Variants in TTBK2 observed in about 807,000 individuals in gnomAD.
TTBK2 encodes the protein tau-tubulin kinase 2.
A neutral mutation model predicts 110.8 loss-of-function variants in TTBK2; 28 were observed. The observed-to-expected ratio is 0.25, with a 90% CI of 0.19 to 0.35. The LOEUF is 0.35. TTBK2 is among the 10% of genes least tolerant of loss of function. The probability of loss-of-function intolerance (pLI) is 1.00; values close to 1 mark genes in which losing one functional copy is unlikely to be tolerated. For missense variants in TTBK2, 1,369 were observed against 1,500.3 expected, an observed-to-expected ratio of 0.91 and a Z score of 1.45; for synonymous variants, 532 against 527.3, an observed-to-expected ratio of 1.01 and a Z score of -0.12.
intron 9 of TTBK2, among the ~76,000 whole-genome samples, chr15:42,807,582 T>C (rs961779646): frequency 8.8e-6 from 1 of 113,150 alleles, no homozygotes; most frequent in African/African-American, 6.9e-5. Flanking sequence ...CTAATTTTTT[T>C]TGTTGTTTTT....
chr15:42,777,106 G>C lies in TTBK2; in HGVS notation c.1334C>G (p.Ser445Cys). The change falls in exon 12 of 15, where the codon TCC becomes TGC. Residue 445 changes from serine (S) to cysteine (C), a missense_variant. Around this residue, in one of 4 missense-constraint regions of TTBK2, gnomAD observed 1,097 missense variants for 1,114.7 expected, o/e 0.98. Coordinates refer to ENST00000267890, the MANE Select transcript of TTBK2 (RefSeq NM_173500.4). ...RDIPLVRKLR[S>C]IHSFELEKRL... ...TTTTTCCAGCTCAAAGCTGTGAATGGAACGTAACTTTCGCACCAGTGGAAT... is the reference window on the plus strand; with the variant it reads ...TTTTTCCAGCTCAAAGCTGTGAATGCAACGTAACTTTCGCACCAGTGGAAT... 6.2e-7 allele frequency: 1 copy of C among 1,614,210 alleles called. No individual in the cohort carries two copies. Among genetic ancestry groups the C allele is most frequent in the Non-Finnish European group, 8.5e-7 (1 of 1,180,040 alleles).
intron 4 of TTBK2, among the ~76,000 whole-genome samples, chr15:42,832,876 T>G (rs1227485997): frequency 6.6e-6 from 1 of 152,034 alleles, no homozygotes; most frequent in African/African-American, 2.4e-5. Context: ...CTTGGGGCCT[T>G]AGAAAGTATC....
At chr15:42,862,659 C>T (rs1485415831) in intron 3 of TTBK2, among the ~76,000 whole-genome samples, 1 of 152,146 alleles carries the variant, frequency 6.6e-6, no homozygotes, top group Non-Finnish European at 1.5e-5. Flanking sequence ...GAGGCGGAAG[C>T]AGGCAGATGA....
chr15:42,910,892 A>G (rs1172955581), intron 1 of TTBK2, among the ~76,000 whole-genome samples: 3 of 152,038 alleles, frequency 2.0e-5, no homozygotes, highest in Non-Finnish European at 4.4e-5. Context: ...AAAAATATAA[A>G]AATTAGCCAG....
At chr15:42,842,013 A>G (rs757982340) in intron 3 of TTBK2, among the ~76,000 whole-genome samples, 38 of 152,320 alleles carry the variant, frequency 2.5e-4, no homozygotes, top group Non-Finnish European at 4.6e-4. Context: ...AAAGAATGTA[A>G]TATAAGAGGA....
intron 1 of TTBK2, among the ~76,000 whole-genome samples, chr15:42,918,206 G>A (rs1241760564): frequency 1.3e-5 from 2 of 152,174 alleles, no homozygotes; most frequent in Non-Finnish European, 2.9e-5. Context: ...TGGAACCACA[G>A]GTGTGAGCCA....
chr15:42,835,629 TA>T (rs796745439), intron 4 of TTBK2, among the ~76,000 whole-genome samples: 3,115 of 147,194 alleles, frequency 0.021, 99 homozygotes, highest in African/African-American at 0.071. Flanking sequence ...AAACCAAATG[TA>T]AAAAAAAAAA....
chr15:42,754,982 T>C (rs2061926705), intron 13 of TTBK2, among the ~76,000 whole-genome samples: 1 of 115,002 alleles, frequency 8.7e-6, no homozygotes, highest in African/African-American at 3.4e-5. Context: ...TACTCCAGCC[T>C]GGGCAATAAG....
intron 3 of TTBK2, among the ~76,000 whole-genome samples, chr15:42,847,711 T>C (rs1042370520): frequency 6.6e-6 from 1 of 152,374 alleles, no homozygotes; most frequent in Middle Eastern, 3.4e-3. Flanking sequence ...TTGTAGATTA[T>C]TATTGGCCTT....
chr15:42,784,670 C>T (rs1890332393), intron 10 of TTBK2, among the ~76,000 whole-genome samples: 1 of 152,154 alleles, frequency 6.6e-6, no homozygotes, highest in African/African-American at 2.4e-5. Flanking sequence ...AATTAACATT[C>T]CATTTGGGAA....
intron 7 of TTBK2, among the ~76,000 whole-genome samples, chr15:42,812,835 A>T (rs1254159493): frequency 6.6e-6 from 1 of 152,172 alleles, no homozygotes; most frequent in Non-Finnish European, 1.5e-5. Flanking sequence ...AAGCGCAATT[A>T]TAGAAATTAA....
chr15:42,802,110 C>T (rs1567032793), intron 9 of TTBK2: 1 of 1,462,376 alleles, frequency 6.8e-7, no homozygotes, highest in Admixed American at 1.7e-5. Context: ...AGGAGAAAAA[C>T]TTGTTGTTGA....
Position 42,745,116 on chromosome 15 carries a change from AT to A in TTBK2, c.*678del, listed in dbSNP as rs1327116180. The A allele has an allele frequency of 5.2e-5, 8 of 154,290 alleles. No homozygotes were observed. The highest frequency in any genetic ancestry group is 1.2e-4 in the Non-Finnish European group (8 of 68,250). 9.6% of individuals were successfully genotyped at this position (154,290 alleles called of 1,614,324 possible). On this transcript the variant is annotated 3_prime_UTR_variant, in exon 15 of 15. Transcript: ENST00000267890. ...AGAACTCTTGCTCTAAAAAAAAAAA[AT>A]CAGGGGGACCTAAAAAAAAGTAATT... is the stretch of plus-strand genomic sequence containing the variant.
At chr15:42,883,582 A>G (rs1410071395) in intron 1 of TTBK2, among the ~76,000 whole-genome samples, 2 of 151,914 alleles carry the variant, frequency 1.3e-5, no homozygotes, top group African/African-American at 2.4e-5. Flanking sequence ...TTTAAAAACT[A>G]CACAAAGAGA....
intron 2 of TTBK2, among the ~76,000 whole-genome samples, chr15:42,874,829 T>G (rs1894752143): frequency 6.6e-6 from 1 of 151,214 alleles, no homozygotes; most frequent in Admixed American, 6.6e-5. Context: ...CTACTAAAAT[T>G]ATAAAAATTA....
At chr15:42,780,052 T>G (rs1030203777) in intron 11 of TTBK2, among the ~76,000 whole-genome samples, 1 of 151,568 alleles carries the variant, frequency 6.6e-6, no homozygotes, top group African/African-American at 2.4e-5. Context: ...AGACAGAGTC[T>G]CACTCTGTCA....
At chr15:42,827,853 C>T (rs1892595698) in intron 6 of TTBK2, 75 bp downstream of exon 6, 3 of 1,159,278 alleles carry the variant, frequency 2.6e-6, no homozygotes, top group Non-Finnish European at 2.6e-6. Context: ...AAATAATTAG[C>T]ATTGTTTAAA....
intron 1 of TTBK2, among the ~76,000 whole-genome samples, chr15:42,887,765 AGT>A (rs898645003): frequency 3.3e-5 from 5 of 152,100 alleles, no homozygotes; most frequent in South Asian, 4.2e-4. Flanking sequence ...CCTTCATCAC[AGT>A]CTCTCTTCAC....
At chr15:42,816,322 G>A (rs1183079744) in intron 7 of TTBK2, among the ~76,000 whole-genome samples, 1 of 150,308 alleles carries the variant, frequency 6.7e-6, no homozygotes, top group Admixed American at 6.7e-5. Flanking sequence ...TCACTATGCT[G>A]GTCAGGCTGG....
Sources: gnomAD v4.1 joint callset for allele counts (sites outside exome capture counted in the v4.1 genomes callset) on GRCh38, gnomAD v4.1.1 for gene constraint, gnomAD v4.1.1 regional missense constraint, MANE v1.5 for transcripts, NCBI Gene and HGNC (gene_info 2026-07-23, HGNC 2026-07-21) for gene names.